The following SETD2 variants were observed in gnomAD, a reference collection of about 807,000 sequenced individuals.
SETD2 encodes the protein histone-lysine N-methyltransferase SETD2.
SETD2 carries 31 observed loss-of-function variants against 242.1 expected under a neutral mutation model. That is an observed-to-expected ratio of 0.13 (90% confidence interval 0.10 to 0.17). SETD2 has a LOEUF of 0.17. SETD2 is among the 10% of genes least tolerant of loss of function. The pLI is 1.00. For synonymous variants in SETD2, 1,006 were observed against 1,066.5 expected (o/e 0.94, Z 1.11); for missense variants, 2,481 against 3,046.3 (o/e 0.81, Z 4.37).
At chr3:47,046,353 A>T (rs1022197796) in intron 16 of SETD2, 134 bp downstream of exon 16, 8 of 722,066 alleles carry the variant, frequency 1.1e-5, no homozygotes, top group Admixed American at 3.8e-5. Context: ...AAAATAAAAT[A>T]AAATAAAATA....
intron 1 of SETD2, chr3:47,157,500 C>A: frequency 2.2e-6 from 1 of 455,958 alleles, no homozygotes; most frequent in Non-Finnish European, 4.4e-6. Flanking sequence ...TTCTTTTGAC[C>A]AAATTTGCCA....
intron 15 of SETD2, among the ~76,000 whole-genome samples, chr3:47,048,304 G>T (rs866162590): frequency 4.6e-5 from 7 of 152,092 alleles, no homozygotes; most frequent in Non-Finnish European, 8.8e-5. Context: ...CAGAAGAATC[G>T]CTTGAACCCA....
At chr3:47,046,883 T>C in intron 15 of SETD2, 1 of 227,880 alleles carries the variant, frequency 4.4e-6, no homozygotes, top group South Asian at 1.0e-4. Context: ...GTCATAGAAA[T>C]TCTCCAACTG....
chr3:47,030,494 G>A (rs937795541), intron 18 of SETD2, among the ~76,000 whole-genome samples: 3 of 151,958 alleles, frequency 2.0e-5, no homozygotes, highest in Admixed American at 6.6e-5. Flanking sequence ...CCAGGAAAAG[G>A]GACAATGGTA....
At chr3:47,156,630 T>TAC (rs1267624274) in intron 1 of SETD2, among the ~76,000 whole-genome samples, 1 of 152,184 alleles carries the variant, frequency 6.6e-6, no homozygotes, top group African/African-American at 2.4e-5. Flanking sequence ...CCAAGTACTA[T>TAC]ACTGGCCTCC....
At chr3:47,138,777 G>GCTGGTCTCAAATTC (rs2043654240) in intron 1 of SETD2, among the ~76,000 whole-genome samples, 1 of 151,930 alleles carries the variant, frequency 6.6e-6, no homozygotes, top group Non-Finnish European at 1.5e-5. Flanking sequence ...TGTTGGCCAG[G>GCTGGTCTCAAATTC]CTGGTCTCAA....
chr3:47,102,901 T>C (rs2042271578), intron 7 of SETD2, among the ~76,000 whole-genome samples: 1 of 152,186 alleles, frequency 6.6e-6, no homozygotes, highest in Non-Finnish European at 1.5e-5. Flanking sequence ...ACACTGAACT[T>C]TCAAAATTAA....
At position 47,123,182 on chromosome 3, in the gene SETD2, G is replaced by A. The variant is rs2106697352; in HGVS notation, c.1454C>T (p.Thr485Ile). 2 of 1,600,986 alleles carry A rather than the reference G, an allele frequency of 1.2e-6. No individual in the cohort carries two copies. Among genetic ancestry groups the A allele is most frequent in the South Asian group, 2.2e-5 (2 of 89,908 alleles). Residue 485 changes from threonine (T) to isoleucine (I), a missense_variant, in exon 3 of 21, where the codon ACA (threonine) becomes ATA (isoleucine). Thr to Ile is a moderately conservative substitution (Grantham distance 89). Around this residue, in one of 17 missense-constraint regions of SETD2, gnomAD observed 1,300 missense variants for 1,259.2 expected, o/e 1.03. Coordinates refer to ENST00000409792, the MANE Select transcript of SETD2 (RefSeq NM_014159.7). ...CCGATCAGATTTAGAATAGGATGAT[G>A]TCCTTAGGTCTCTGTAAGAAGAGGA... ...SHSSSYRDLR[T>I]SSYSKSDRDC...
At chr3:47,027,143 G>C (rs2038518219) in intron 18 of SETD2, among the ~76,000 whole-genome samples, 1 of 151,888 alleles carries the variant, frequency 6.6e-6, no homozygotes, top group South Asian at 2.1e-4. Flanking sequence ...AGATCATTCT[G>C]GCTAACACGG....
At chr3:47,133,945 T>C (rs2106769387) in intron 1 of SETD2, among the ~76,000 whole-genome samples, 1 of 152,246 alleles carries the variant, frequency 6.6e-6, no homozygotes, top group South Asian at 2.1e-4. Flanking sequence ...AAGCCACCAA[T>C]TACAAATCAA....
intron 1 of SETD2, among the ~76,000 whole-genome samples, chr3:47,143,039 C>A (rs958617783): frequency 2.6e-5 from 4 of 152,082 alleles, no homozygotes; most frequent in African/African-American, 9.7e-5. Flanking sequence ...CACCTGTAAT[C>A]CCAGCACTTT....
At chr3:47,129,835 C>T (rs982491482) in intron 1 of SETD2, among the ~76,000 whole-genome samples, 3 of 150,664 alleles carry the variant, frequency 2.0e-5, no homozygotes, top group Non-Finnish European at 2.9e-5. Flanking sequence ...AGTGAGATCA[C>T]GCCATTGCAC....
intron 12 of SETD2, among the ~76,000 whole-genome samples, chr3:47,070,183 G>C (rs1403212457): frequency 6.6e-6 from 1 of 152,140 alleles, no homozygotes; most frequent in East Asian, 1.9e-4. Context: ...CACCAGAAAC[G>C]CTTCTCAAAG....
chr3:47,163,702 G>C (rs1426045317), intron 1 of SETD2, 152 bp downstream of exon 1: 3 of 598,884 alleles, frequency 5.0e-6, no homozygotes, highest in Non-Finnish European at 7.0e-6. Context: ...TCGAAGTGGC[G>C]GCGCGGGCCT....
chr3:47,053,651 T>C (rs1023765631), intron 15 of SETD2, among the ~76,000 whole-genome samples: 1 of 152,228 alleles, frequency 6.6e-6, no homozygotes, highest in South Asian at 2.1e-4. Flanking sequence ...TCATGTTACA[T>C]ATTACTTCAC....
chr3:47,021,349 A>G (rs2038210699), intron 18 of SETD2, among the ~76,000 whole-genome samples: 2 of 152,220 alleles, frequency 1.3e-5, no homozygotes, highest in African/African-American at 2.4e-5. Flanking sequence ...CCATGCTCTC[A>G]GCGAGGGTAC....
intron 12 of SETD2, among the ~76,000 whole-genome samples, chr3:47,069,401 C>T (rs1479168276): frequency 2.0e-5 from 3 of 152,182 alleles, no homozygotes; most frequent in African/African-American, 7.2e-5. Context: ...ATTCTCTACC[C>T]TGGTTGTACA....
chr3:47,152,296 A>C (rs527613565), intron 1 of SETD2, among the ~76,000 whole-genome samples: 1 of 152,332 alleles, frequency 6.6e-6, no homozygotes, highest in East Asian at 1.9e-4. Context: ...CCAGTACCAT[A>C]AAATGTGTAG....
chr3:47,090,976 A>C (rs2041780639), intron 9 of SETD2, among the ~76,000 whole-genome samples: 1 of 152,222 alleles, frequency 6.6e-6, no homozygotes, highest in Non-Finnish European at 1.5e-5. Flanking sequence ...GGTAAAGAAC[A>C]AGAATAAATG....
Sources: gnomAD v4.1 joint callset for allele counts (sites outside exome capture counted in the v4.1 genomes callset) on GRCh38, gnomAD v4.1.1 for gene constraint, gnomAD v4.1.1 regional missense constraint, MANE v1.5 for transcripts, NCBI Gene and HGNC (gene_info 2026-07-23, HGNC 2026-07-21) for gene names.